The following TXNRD1 variants were observed in gnomAD, a reference collection of about 807,000 sequenced individuals.
TXNRD1 encodes the protein thioredoxin reductase 1, cytoplasmic.
In TXNRD1, 57 loss-of-function variants were observed where a neutral mutation model predicts 80.3. The observed-to-expected ratio is 0.71, with a 90% CI of 0.57 to 0.89. The LOEUF (loss-of-function observed/expected upper bound fraction) is 0.89, where lower values mean the gene tolerates loss of function less well. Among genes scored for constraint, TXNRD1 ranks in the 40% least tolerant of loss-of-function variants. The probability of loss-of-function intolerance (pLI) is 0.00; values close to 1 mark genes in which losing one functional copy is unlikely to be tolerated. For missense variants in TXNRD1, 730 were observed against 803.0 expected (o/e 0.91, Z 1.10); for synonymous variants, 291 against 285.2 (o/e 1.02, Z -0.20).
intron 10 of TXNRD1, among the ~76,000 whole-genome samples, chr12:104,323,057 T>C (rs7972831): frequency 0.88 from 89,406 of 101,634 alleles, 39,600 homozygotes; most frequent in African/African-American, 0.97. Context: ...CATCTTGCAC[T>C]GCCCTTAATC....
intron 5 of TXNRD1, 120 bp downstream of exon 5, chr12:104,311,532 G>A: frequency 7.6e-7 from 1 of 1,323,972 alleles, no homozygotes; most frequent in Non-Finnish European, 1.0e-6. Flanking sequence ...GTGACATTTT[G>A]CACATTAACT....
intron 4 of TXNRD1, among the ~76,000 whole-genome samples, chr12:104,307,330 A>G (rs1388732891): frequency 6.6e-6 from 1 of 152,226 alleles, no homozygotes; most frequent in Non-Finnish European, 1.5e-5. Context: ...GCATTTCAAA[A>G]TAGTGGAGAT....
intron 1 of TXNRD1, 84 bp from the exon 2 acceptor site, chr12:104,251,443 C>A (rs2033115202): frequency 1.4e-6 from 2 of 1,430,224 alleles, no homozygotes; most frequent in Non-Finnish European, 1.9e-6. Flanking sequence ...AATGGTAATG[C>A]TTTTAGAGTG....
At chr12:104,290,133 C>T (rs184122625) in intron 4 of TXNRD1, among the ~76,000 whole-genome samples, 2 of 152,326 alleles carry the variant, frequency 1.3e-5, no homozygotes, top group East Asian at 1.9e-4. Flanking sequence ...GTAAACCTAA[C>T]GCCTGCGTTA....
intron 14 of TXNRD1, among the ~76,000 whole-genome samples, chr12:104,332,681 G>A (rs1022761277): frequency 5.4e-5 from 8 of 149,062 alleles, no homozygotes; most frequent in African/African-American, 1.2e-4. Context: ...CCCGGGAGGC[G>A]GAGGTTGCAG....
chr12:104,288,933 G>T lies in TXNRD1; in HGVS notation c.307G>T (p.Asp103Tyr). 1 of 1,614,056 alleles carries T rather than the reference G, an allele frequency of 6.2e-7. No individual in the cohort carries two copies. The highest frequency in any genetic ancestry group is 2.2e-5 in the East Asian group (1 of 44,886). ...CGCTCTGCTTTTGTGCCACACAGAGGACGGTCGGGCCCTGGAAGGAACGCT... is the reference window on the plus strand; with the variant it reads ...CGCTCTGCTTTTGTGCCACACAGAGTACGGTCGGGCCCTGGAAGGAACGCT... ...YFVLELDQTE[D>Y]GRALEGTLSE... The change falls in exon 4 of 17, where the codon GAC becomes TAC. Residue 103 changes from aspartate (D) to tyrosine (Y), a missense_variant and splice_region_variant. Transcript: ENST00000525566.
chr12:104,335,632 C>T (rs1405715680), intron 15 of TXNRD1, among the ~76,000 whole-genome samples: 6 of 152,098 alleles, frequency 3.9e-5, no homozygotes, highest in Non-Finnish European at 7.4e-5. Flanking sequence ...GACTGTGGGA[C>T]ACTGGTATAT....
chr12:104,257,406 T>A (rs2033280102), intron 2 of TXNRD1, among the ~76,000 whole-genome samples: 1 of 142,772 alleles, frequency 7.0e-6, no homozygotes, highest in African/African-American at 2.6e-5. Flanking sequence ...TCCAATGCTT[T>A]TTTTTTTTTT....
intron 4 of TXNRD1, among the ~76,000 whole-genome samples, chr12:104,301,519 A>T (rs905613851): frequency 2.0e-5 from 3 of 152,058 alleles, no homozygotes; most frequent in Non-Finnish European, 4.4e-5. Flanking sequence ...TTGTATTTTT[A>T]GTAGAGACGG....
intron 3 of TXNRD1, chr12:104,284,239 A>G (rs1167773360): frequency 6.6e-6 from 1 of 152,246 alleles, no homozygotes; most frequent in Non-Finnish European, 1.5e-5. Flanking sequence ...TCTTAACTTT[A>G]AAGTGAAATC....
intron 4 of TXNRD1, among the ~76,000 whole-genome samples, chr12:104,296,954 G>C (rs1339914101): frequency 1.3e-5 from 2 of 152,186 alleles, no homozygotes; most frequent in African/African-American, 4.8e-5. Context: ...CATCGGGCTA[G>C]GCACTATCTT....
intron 5 of TXNRD1, 103 bp downstream of exon 5, chr12:104,311,515 C>T: frequency 7.0e-7 from 1 of 1,426,700 alleles, no homozygotes; most frequent in Non-Finnish European, 9.3e-7. Context: ...TTATTTGATC[C>T]ACTCCTGTGA....
chr12:104,278,974 C>G (rs991686208), intron 3 of TXNRD1, among the ~76,000 whole-genome samples: 1 of 152,118 alleles, frequency 6.6e-6, no homozygotes, highest in Non-Finnish European at 1.5e-5. Context: ...ATTTATTGAT[C>G]AATTACTATG....
chr12:104,231,075 T>C (rs950410599), intron 1 of TXNRD1, among the ~76,000 whole-genome samples: 1 of 152,196 alleles, frequency 6.6e-6, no homozygotes, highest in African/African-American at 2.4e-5. Flanking sequence ...TGCCCGGCTC[T>C]AAGAGCCCGG....
intron 14 of TXNRD1, among the ~76,000 whole-genome samples, chr12:104,333,913 GGT>G (rs943685590): frequency 6.6e-6 from 1 of 152,060 alleles, no homozygotes; most frequent in Non-Finnish European, 1.5e-5. Context: ...ATTGAGTTTG[GGT>G]GTGTGTGTGT....
intron 4 of TXNRD1, among the ~76,000 whole-genome samples, chr12:104,306,232 T>G (rs1034819752): frequency 2.0e-5 from 3 of 152,198 alleles, no homozygotes; most frequent in East Asian, 3.8e-4. Flanking sequence ...GCCAGGAAAC[T>G]GACCTTGCTG....
chr12:104,250,940 A>G (rs2033105662), intron 1 of TXNRD1, among the ~76,000 whole-genome samples: 1 of 152,226 alleles, frequency 6.6e-6, no homozygotes, highest in African/African-American at 2.4e-5. Flanking sequence ...ACTAAGCTGG[A>G]TCATGTTTGT....
At chr12:104,274,358 T>C (rs1436483525) in intron 3 of TXNRD1, among the ~76,000 whole-genome samples, 2 of 152,122 alleles carry the variant, frequency 1.3e-5, no homozygotes, top group African/African-American at 4.8e-5. Flanking sequence ...GGGATGTTCT[T>C]CTCAAGATCA....
chr12:104,309,744 G>T, intron 4 of TXNRD1: 1 of 1,506,736 alleles, frequency 6.6e-7, no homozygotes, highest in Non-Finnish European at 8.9e-7. Flanking sequence ...TTACCAAATT[G>T]TTTTTCCCCC....
Sources: gnomAD v4.1 joint callset for allele counts (sites outside exome capture counted in the v4.1 genomes callset) on GRCh38, gnomAD v4.1.1 for gene constraint, MANE v1.5 for transcripts, NCBI Gene and HGNC (gene_info 2026-07-23, HGNC 2026-07-21) for gene names.